The following COL4A2 variants were observed in gnomAD, a reference collection of about 807,000 sequenced individuals.
COL4A2 encodes collagen type IV alpha 2 chain.
COL4A2 carries 99 observed loss-of-function variants against 200.2 expected under a neutral mutation model. That is an observed-to-expected ratio of 0.49 (90% CI 0.42 to 0.58). COL4A2 has a LOEUF of 0.58. COL4A2 is among the 20% of genes least tolerant of loss of function. COL4A2 has a pLI of 0.00. For missense variants in COL4A2, 1,950 were observed against 2,314.1 expected (o/e 0.84, Z 3.23); for synonymous variants, 897 against 900.6 (o/e 1.00, Z 0.07).
At chr13:110,397,824 A>G (rs898271677) in intron 4 of COL4A2, among the ~76,000 whole-genome samples, 4 of 152,234 alleles carry the variant, frequency 2.6e-5, no homozygotes, top group African/African-American at 9.6e-5. Context: ...CTTTTACACC[A>G]TATTTTATAT....
chr13:110,505,151 C>A (rs553845903), intron 45 of COL4A2, among the ~76,000 whole-genome samples: 82 of 151,262 alleles, frequency 5.4e-4, no homozygotes, highest in African/African-American at 1.5e-3. Context: ...GAGATCGAGA[C>A]CATCCTGGCT....
intron 3 of COL4A2, among the ~76,000 whole-genome samples, chr13:110,349,467 G>A (rs376917531): frequency 6.6e-6 from 1 of 152,168 alleles, no homozygotes; most frequent in South Asian, 2.1e-4. Context: ...AGGACCGGAT[G>A]TCCTCTTAAT....
intron 3 of COL4A2, among the ~76,000 whole-genome samples, chr13:110,326,825 C>T (rs1391026801): frequency 6.6e-6 from 1 of 152,214 alleles, no homozygotes; most frequent in Non-Finnish European, 1.5e-5. Flanking sequence ...GCACTGCCTT[C>T]CCTTGAGTGT....
intron 46 of COL4A2, among the ~76,000 whole-genome samples, chr13:110,507,109 A>G (rs1883913821): frequency 6.6e-6 from 1 of 152,226 alleles, no homozygotes. Flanking sequence ...CAATACACAC[A>G]AATTACAAGT....
intron 3 of COL4A2, among the ~76,000 whole-genome samples, chr13:110,325,697 C>T (rs1184395764): frequency 6.6e-6 from 1 of 152,122 alleles, no homozygotes; most frequent in Non-Finnish European, 1.5e-5. Context: ...CCCTTCCCTT[C>T]GGGACACGGA....
chr13:110,390,502 A>G (rs1053394269), intron 4 of COL4A2, among the ~76,000 whole-genome samples: 8 of 152,216 alleles, frequency 5.3e-5, no homozygotes, highest in Non-Finnish European at 7.3e-5. Context: ...ACGCCATGCC[A>G]TGGGTGAGGA....
chr13:110,504,014 C>T, intron 44 of COL4A2, 21 bp downstream of exon 44: 1 of 1,552,408 alleles, frequency 6.4e-7, no homozygotes. Flanking sequence ...GAGCTGGGGC[C>T]TGGAGCCCCT....
intron 4 of COL4A2, 77 bp from the exon 5 acceptor site, chr13:110,424,657 T>A: frequency 1.0e-6 from 1 of 964,950 alleles, no homozygotes; most frequent in Non-Finnish European, 1.5e-6. Flanking sequence ...AAAAATGTAG[T>A]TTTGAAAGTA....
chr13:110,336,523 G>C (rs146493986), intron 3 of COL4A2, among the ~76,000 whole-genome samples: 1 of 152,126 alleles, frequency 6.6e-6, no homozygotes, highest in Non-Finnish European at 1.5e-5. Flanking sequence ...TCCTTACGAC[G>C]ACCTGGCCTA....
At chr13:110,410,405 T>C (rs1326691921) in intron 4 of COL4A2, among the ~76,000 whole-genome samples, 1 of 152,198 alleles carries the variant, frequency 6.6e-6, no homozygotes, top group East Asian at 1.9e-4. Flanking sequence ...TAAACAAACA[T>C]AATTCTGATC....
chr13:110,325,208 A>T (rs1318935429), intron 3 of COL4A2, among the ~76,000 whole-genome samples: 1 of 152,248 alleles, frequency 6.6e-6, no homozygotes, highest in Non-Finnish European at 1.5e-5. Context: ...CATTTTTAAT[A>T]AGCATTTAGA....
chr13:110,462,354 C>G lies in COL4A2; in HGVS notation c.1746C>G (p.Leu582=), dbSNP rs775569965. The change falls in exon 24 of 48, where the codon CTC becomes CTG. Residue 582 remains leucine (L), a synonymous_variant. Transcript: ENST00000360467. ...ATGGCAGCCCAGGCCGCGATGGGCT[C>G]GATGGATTCCCCGGCCTCCCAGGCC... is the stretch of plus-strand genomic sequence containing the variant. ...GDDGSPGRDG[L]DGFPGLPGPP... The G allele has an allele frequency of 6.2e-7, 1 of 1,613,870 alleles. No homozygotes were observed.
intron 4 of COL4A2, among the ~76,000 whole-genome samples, chr13:110,369,113 A>G (rs1214086920): frequency 1.3e-5 from 2 of 152,178 alleles, no homozygotes; most frequent in African/African-American, 4.8e-5. Context: ...TGAGAGGTTG[A>G]GGCAGGAGAA....
intron 34 of COL4A2, 117 bp from the exon 35 acceptor site, chr13:110,489,328 G>A: frequency 3.0e-6 from 3 of 1,006,252 alleles, no homozygotes; most frequent in Non-Finnish European, 4.6e-6. Context: ...AAAATGACAA[G>A]ATCACAAACC....
intron 4 of COL4A2, among the ~76,000 whole-genome samples, chr13:110,371,751 C>CG (rs141784225): frequency 0.011 from 1,607 of 152,012 alleles, 13 homozygotes; most frequent in African/African-American, 0.015. Flanking sequence ...GGGCGGGCGG[C>CG]GGGCCGTCTG....
chr13:110,432,011 A>C (rs2139460332), intron 10 of COL4A2, among the ~76,000 whole-genome samples: 1 of 152,336 alleles, frequency 6.6e-6, no homozygotes, highest in South Asian at 2.1e-4. Flanking sequence ...CGCTGCAGTC[A>C]CAGGGCCTGG....
intron 4 of COL4A2, among the ~76,000 whole-genome samples, chr13:110,411,965 G>A (rs1391135745): frequency 6.6e-6 from 1 of 152,210 alleles, no homozygotes; most frequent in Non-Finnish European, 1.5e-5. Context: ...TAGGCTGACT[G>A]TTGGAAAGTG....
At chr13:110,492,231 G>A in intron 38 of COL4A2, 54 bp downstream of exon 38, 2 of 1,476,196 alleles carry the variant, frequency 1.4e-6, no homozygotes, top group Non-Finnish European at 1.9e-6. Flanking sequence ...GGGCTGTGCA[G>A]GAGGCACCGC....
At chr13:110,470,890 T>C (rs1233185981) in intron 28 of COL4A2, among the ~76,000 whole-genome samples, 1 of 152,176 alleles carries the variant, frequency 6.6e-6, no homozygotes, top group Non-Finnish European at 1.5e-5. Context: ...CCTGTTTCCT[T>C]TCATATGATG....
Sources: allele counts gnomAD v4.1 joint callset (sites outside exome capture counted in the v4.1 genomes callset), GRCh38; gene constraint gnomAD v4.1.1; transcripts MANE v1.5; gene names NCBI Gene and HGNC (gene_info 2026-07-23, HGNC 2026-07-21).